Variants in MPND observed in about 807,000 individuals in gnomAD.
MPND encodes MPN domain containing, also known as MPN domain-containing protein.
In MPND, 56 loss-of-function variants were observed where a neutral mutation model predicts 59.2. That is an observed-to-expected ratio of 0.95 (90% confidence interval 0.76 to 1.18). The LOEUF is 1.18. Ranked by LOEUF, MPND falls within the 50% of genes most tolerant of loss-of-function variation. The probability of loss-of-function intolerance (pLI) is 0.00; values close to 1 mark genes in which losing one functional copy is unlikely to be tolerated. For missense variants in MPND, 671 were observed against 676.0 expected, an observed-to-expected ratio of 0.99 and a Z score of 0.08; for synonymous variants, 323 against 291.9, an observed-to-expected ratio of 1.11 and a Z score of -1.09.
At chr19:4,357,702 C>G in intron 10 of MPND, 117 bp downstream of exon 10, 1 of 1,011,628 alleles carries the variant, frequency 9.9e-7, no homozygotes, top group Non-Finnish European at 1.4e-6. Flanking sequence ...CCCAGTTTCT[C>G]CATCTATGAA....
chr19:4,347,770 T>A, intron 3 of MPND: 2 of 587,130 alleles, frequency 3.4e-6, no homozygotes, highest in Non-Finnish European at 5.8e-6. Flanking sequence ...CCCGACGCAG[T>A]GGCAAAAAAA....
chr19:4,359,307 C>A, intron 12 of MPND, 52 bp downstream of exon 12: 2 of 1,364,476 alleles, frequency 1.5e-6, no homozygotes, highest in South Asian at 1.2e-5. Context: ...GAGAGGCCCC[C>A]TGGGCAGCCT....
chr19:4,352,849 C>T, intron 3 of MPND, 48 bp from the exon 4 acceptor site: 1 of 1,297,272 alleles, frequency 7.7e-7, no homozygotes, highest in Non-Finnish European at 9.9e-7. Context: ...AGCGGGGGGG[C>T]ACCCAGCTGA....
chr19:4,352,111 T>G (rs1242657715), intron 3 of MPND, among the ~76,000 whole-genome samples: 1 of 151,760 alleles, frequency 6.6e-6, no homozygotes, highest in Non-Finnish European at 1.5e-5. Context: ...AGGCAGAGGT[T>G]GCAGTGAGCC....
intron 8 of MPND, among the ~76,000 whole-genome samples, chr19:4,355,847 T>A (rs570043210): frequency 9.4e-4 from 129 of 136,576 alleles, no homozygotes; most frequent in Non-Finnish European, 1.7e-3. Flanking sequence ...TGTGAGCCAC[T>A]GCGCCCGGCC....
rs1695799477 is a variant in MPND at position 4,354,331 on chromosome 19, C to A, written c.757C>A (p.His253Asn). The change falls in exon 6 of 13, where the codon CAC becomes AAC. Residue 253 changes from histidine to asparagine, a missense_variant. His to Asn is a moderately conservative substitution (Grantham distance 68). Transcript: ENST00000599840. ...CCCTCCTGGCCCCTACAGGAACCCC[C>A]ACACCCTGGTGGAAGTAACATCCTT... is the stretch of plus-strand genomic sequence containing the variant. ...LGSRDLARNP[H>N]TLVEVTSFAA... 1 of 1,557,720 alleles carries A rather than the reference C, an allele frequency of 6.4e-7. No individual in the cohort carries two copies. Among genetic ancestry groups the A allele is most frequent in the East Asian group, 2.4e-5 (1 of 41,732 alleles).
intron 2 of MPND, 147 bp from the exon 3 acceptor site, chr19:4,345,598 T>C: frequency 1.4e-6 from 1 of 703,868 alleles, no homozygotes; most frequent in Admixed American, 2.5e-5. Flanking sequence ...TCCCAGGCAC[T>C]GAGGAGGCCC....
Position 4,354,965 on chromosome 19 carries a change from T to G in MPND, c.863T>G (p.Leu288Arg). ...CTTCCCCAGGACTTCCACAGTCACC[T>G]GACACGGAGTGAGGTCGTGGGTTAC... Reference protein sequence around the residue: ...VLFLLDFHSHLTRSEVVGYLG... With the variant: ...VLFLLDFHSHRTRSEVVGYLG... The change falls in exon 7 of 13, where the codon CTG becomes CGG. Residue 288 changes from leucine (L) to arginine (R), a missense_variant. Leu to Arg is a moderately radical substitution (Grantham distance 102). Coordinates refer to ENST00000599840, the MANE Select transcript of MPND (RefSeq NM_001300862.2). 6.3e-7 allele frequency: 1 copy of G among 1,597,710 alleles called. No individual in the cohort carries two copies. Among genetic ancestry groups the G allele is most frequent in the Non-Finnish European group, 8.5e-7 (1 of 1,170,720 alleles).
rs554014441 is a variant in MPND, at chr19:4,357,962, G to A, written c.1237-121G>A. The A allele has an allele frequency of 7.7e-5, 59 of 761,982 alleles. No individual in the cohort carries two copies. The Middle Eastern group carries it at 1.1e-3, about 14-fold the overall frequency. 47.2% of individuals were successfully genotyped at this position (761,982 alleles called of 1,614,324 possible). Reference sequence around the variant, plus strand: ...GGTCCCACCACCAGGTGCCGATCCCGGTGCAGAGCTGAGCCGGGGTGTGCA... The same window carrying A: ...GGTCCCACCACCAGGTGCCGATCCCAGTGCAGAGCTGAGCCGGGGTGTGCA... On this transcript the variant is annotated intron_variant, in intron 10 of 12. Transcript: ENST00000599840.
chr19:4,347,781 C>A, intron 3 of MPND: 2 of 489,536 alleles, frequency 4.1e-6, no homozygotes, highest in Non-Finnish European at 3.8e-6. Flanking sequence ...GGCAAAAAAA[C>A]CCTTGACCCT....
At chr19:4,352,797 C>G in intron 3 of MPND, 100 bp from the exon 4 acceptor site, 1 of 1,252,820 alleles carries the variant, frequency 8.0e-7, no homozygotes. Context: ...GGCAATGGCA[C>G]TTACGGCTTA....
At chr19:4,359,315 C>A in intron 12 of MPND, 60 bp downstream of exon 12, 2 of 1,307,634 alleles carry the variant, frequency 1.5e-6, no homozygotes, top group Non-Finnish European at 2.2e-6. Context: ...CCCTGGGCAG[C>A]CTAAAAGGTG....
rs1030746423 is a variant in MPND, at chr19:4,353,907, C to T, written c.665-138C>T. ...GCAGTGGTGTGATCACAGCTCCCTG[C>T]AGCCTCAACCTCCCATGCTCAAGCG... On this transcript the variant is annotated intron_variant, in intron 4 of 12. Transcript: ENST00000599840. 4 of 687,218 alleles carry T rather than the reference C, an allele frequency of 5.8e-6. No homozygotes were observed. The Admixed American group carries it at 7.2e-5, about 12-fold the overall frequency. The allele number at this position is 687,218 out of a possible 1,614,324, so 42.6% of individuals were successfully genotyped here. A position where few individuals can be genotyped will look rare whatever the true frequency, so the allele number is the denominator to read the frequency against.
intron 11 of MPND, among the ~76,000 whole-genome samples, chr19:4,358,826 C>T (rs774685392): frequency 2.6e-5 from 4 of 152,130 alleles, no homozygotes; most frequent in Non-Finnish European, 5.9e-5. Context: ...GTTCGTCAAA[C>T]CTGTGACCTC....
Position 4,360,038 on chromosome 19 carries a change from G to C in MPND, c.*36G>C. 2 of 1,513,952 alleles carry C rather than the reference G, an allele frequency of 1.3e-6. No homozygotes were observed. The highest frequency in any genetic ancestry group is 1.2e-5 in the South Asian group (1 of 83,098). The allele number at this position is 1,513,952 out of a possible 1,614,324, so 93.8% of individuals were successfully genotyped here. On this transcript the variant is annotated 3_prime_UTR_variant, in exon 13 of 13. Coordinates refer to ENST00000599840, the MANE Select transcript of MPND (RefSeq NM_001300862.2). ...GCAGGGTGGGCTCCAGTTGTCTTGA[G>C]GGTCCGGATGGGCTCAGGTAATAAA...
In MPND at chr19:4,360,008, C is replaced by T; in HGVS notation, c.*6C>T. ...TCCTCAAGCAGGGGAGCTGAGCCTT[C>T]CAGGGCAGGGTGGGCTCCAGTTGTC... On this transcript the variant is annotated 3_prime_UTR_variant, in exon 13 of 13. Coordinates refer to ENST00000599840, the MANE Select transcript of MPND (RefSeq NM_001300862.2). 1 of 1,557,624 alleles carries T rather than the reference C, an allele frequency of 6.4e-7. No individual in the cohort carries two copies. The highest frequency in any genetic ancestry group is 8.7e-7 in the Non-Finnish European group (1 of 1,150,318).
intron 11 of MPND, 48 bp from the exon 12 acceptor site, chr19:4,359,115 C>A: frequency 1.4e-6 from 2 of 1,383,098 alleles, no homozygotes; most frequent in Non-Finnish European, 2.1e-6. Context: ...CGCTGAGGTA[C>A]CTCAGGCTTG....
Position 4,344,015 on chromosome 19 carries a change from G to A in MPND, c.294+21G>A. 6.2e-6 allele frequency: 8 copies of A among 1,300,712 alleles called. No individual in the cohort carries two copies. The South Asian group carries it at 1.8e-4, about 29-fold the overall frequency. The allele number at this position is 1,300,712 out of a possible 1,614,324, so 80.6% of individuals were successfully genotyped here. On this transcript the variant is annotated intron_variant, in intron 2 of 12. Transcript: ENST00000599840. Reference sequence around the variant, plus strand: ...ACCTGGTGAGCACCCCGCCTCCCTCGTCCCATCGCGGCTCGGGCAGGAAGG... The same window carrying A: ...ACCTGGTGAGCACCCCGCCTCCCTCATCCCATCGCGGCTCGGGCAGGAAGG...
At position 4,343,971 on chromosome 19, in the gene MPND, G is replaced by T; in HGVS notation, c.271G>T (p.Gly91Trp). ...AGACGCGCTGCTGGAGCCTGGCGCC[G>T]GGGTGCTGTCCATCTACTACCTGGT... Reference protein sequence around the residue: ...LKDALLEPGAGVLSIYYLGKK... With the variant: ...LKDALLEPGAWVLSIYYLGKK... The change falls in exon 2 of 13, where the codon GGG (glycine) becomes TGG (tryptophan). Residue 91 changes from glycine to tryptophan, a missense_variant. Physicochemically the swap from Gly to Trp is radical, Grantham distance 184 (BLOSUM62 -2). Transcript: ENST00000599840. The T allele has an allele frequency of 7.2e-7, 1 of 1,382,920 alleles. No individual in the cohort carries two copies. The allele number at this position is 1,382,920 out of a possible 1,614,324, so 85.7% of individuals were successfully genotyped here. A position where few individuals can be genotyped will look rare whatever the true frequency, so the allele number is the denominator to read the frequency against.
Sources: allele counts gnomAD v4.1 joint callset (sites outside exome capture counted in the v4.1 genomes callset), GRCh38; gene constraint gnomAD v4.1.1; transcripts MANE v1.5; gene names NCBI Gene and HGNC (gene_info 2026-07-23, HGNC 2026-07-21).